CSNK2A2IP: variants seen among roughly 807,000 people sequenced by gnomAD.
CSNK2A2IP encodes the protein casein kinase II subunit alpha'-interacting protein.
chr3:88,409,491 A>T, the CSNK2A2IP span, among the ~76,000 whole-genome samples: 1 of 151,214 alleles, frequency 6.6e-6, no homozygotes, highest in African/African-American at 2.4e-5. Context: ...TTGGGGGGAA[A>T]ATGTCTAGGT....
At chr3:88,415,394 A>G in the CSNK2A2IP span, among the ~76,000 whole-genome samples, 1 of 152,062 alleles carries the variant, frequency 6.6e-6, no homozygotes, top group Non-Finnish European at 1.5e-5. Context: ...GCAGGGTTAA[A>G]ACAATGAGGA....
the CSNK2A2IP span, among the ~76,000 whole-genome samples, chr3:88,367,686 C>G: frequency 1.3e-5 from 2 of 152,120 alleles, no homozygotes; most frequent in African/African-American, 4.8e-5. Context: ...ACCAACAAAA[C>G]GCACATGGCC....
At chr3:88,370,227 C>A in the CSNK2A2IP span, among the ~76,000 whole-genome samples, 14 of 151,812 alleles carry the variant, frequency 9.2e-5, no homozygotes, top group Non-Finnish European at 2.9e-5. Context: ...CAATGGGATA[C>A]AGGTGCCATA....
At chr3:88,456,856 C>T in the CSNK2A2IP span, among the ~76,000 whole-genome samples, 1 of 151,950 alleles carries the variant, frequency 6.6e-6, no homozygotes, top group African/African-American at 2.4e-5. Flanking sequence ...TTGGCTATTG[C>T]TGTTTTTTAA....
chr3:88,426,889 T>TG, the CSNK2A2IP span, among the ~76,000 whole-genome samples: 15,836 of 123,380 alleles, frequency 0.13, 1,038 homozygotes, highest in Non-Finnish European at 0.15. Flanking sequence ...CCACGGGGGA[T>TG]GGGGGGGGGC....
chr3:88,389,852 G>C, the CSNK2A2IP span, among the ~76,000 whole-genome samples: 1 of 151,020 alleles, frequency 6.6e-6, no homozygotes, highest in Non-Finnish European at 1.5e-5. Context: ...AATTGGGGAG[G>C]CATTTTTTTT....
At chr3:88,455,338 G>T in the CSNK2A2IP span, among the ~76,000 whole-genome samples, 2 of 151,834 alleles carry the variant, frequency 1.3e-5, no homozygotes, top group African/African-American at 4.8e-5. Context: ...ATACCAGTAG[G>T]TTCTTTTTTC....
chr3:88,354,043 T>A, the CSNK2A2IP span, among the ~76,000 whole-genome samples: 1 of 152,324 alleles, frequency 6.6e-6, no homozygotes, highest in South Asian at 2.1e-4. Flanking sequence ...TAAAGAGGCC[T>A]GACACCTCTG....
At chr3:88,420,802 T>G in the CSNK2A2IP span, among the ~76,000 whole-genome samples, 1 of 152,150 alleles carries the variant, frequency 6.6e-6, no homozygotes. Context: ...GAATGCAATA[T>G]GACTATGTAG....
At chr3:88,367,608 A>C in the CSNK2A2IP span, among the ~76,000 whole-genome samples, 1 of 152,074 alleles carries the variant, frequency 6.6e-6, no homozygotes, top group African/African-American at 2.4e-5. Flanking sequence ...CTTGCCTTTA[A>C]CTTTGTTGAA....
the CSNK2A2IP span, chr3:88,465,860 G>A: frequency 8.1e-7 from 1 of 1,231,498 alleles, no homozygotes; most frequent in African/African-American, 1.6e-5. Context: ...GATGTTTGCT[G>A]GAGATCACTT....
At chr3:88,354,475 G>A in the CSNK2A2IP span, among the ~76,000 whole-genome samples, 1 of 152,158 alleles carries the variant, frequency 6.6e-6, no homozygotes, top group African/African-American at 2.4e-5. Context: ...AGGTTGAGAA[G>A]CTGTGTAGTT....
chr3:88,375,323 A>G, the CSNK2A2IP span, among the ~76,000 whole-genome samples: 1 of 151,826 alleles, frequency 6.6e-6, no homozygotes. Flanking sequence ...ATCTCCCGGA[A>G]GATTTGTTCT....
At chr3:88,446,034 C>CTTTCTTTCTCTCTTTA in the CSNK2A2IP span, among the ~76,000 whole-genome samples, 2 of 22,098 alleles carry the variant, frequency 9.1e-5, no homozygotes, top group South Asian at 0.011. Context: ...TGTTTCTTTT[C>CTTTCTTTCTCTCTTTA]TTTCTTTCTT....
the CSNK2A2IP span, among the ~76,000 whole-genome samples, chr3:88,450,924 C>A: frequency 2.0e-5 from 3 of 152,048 alleles, no homozygotes; most frequent in Non-Finnish European, 4.4e-5. Flanking sequence ...TTAGAAATCT[C>A]CGTATTGTTT....
At chr3:88,440,548 G>A in the CSNK2A2IP span, among the ~76,000 whole-genome samples, 1 of 152,104 alleles carries the variant, frequency 6.6e-6, no homozygotes, top group Non-Finnish European at 1.5e-5. Flanking sequence ...AAGGTAAATT[G>A]TCTTAAATGT....
At chr3:88,445,916 C>CTCTT in the CSNK2A2IP span, among the ~76,000 whole-genome samples, 79 of 147,326 alleles carry the variant, frequency 5.4e-4, 1 homozygote, top group African/African-American at 1.8e-3. Context: ...TCTTCTTTCT[C>CTCTT]TCTTTCTTTC....
chr3:88,350,657 G>A, the CSNK2A2IP span, among the ~76,000 whole-genome samples: 1 of 149,072 alleles, frequency 6.7e-6, no homozygotes, highest in Non-Finnish European at 1.5e-5. Context: ...TGAAAGAGAA[G>A]CGTATCAGAC....
chr3:88,449,267 A>G, the CSNK2A2IP span, among the ~76,000 whole-genome samples: 1 of 152,108 alleles, frequency 6.6e-6, no homozygotes, highest in Admixed American at 6.6e-5. Context: ...TAACAAGATC[A>G]TTTTCTTGAT....
Sources: allele counts gnomAD v4.1 joint callset (sites outside exome capture counted in the v4.1 genomes callset), GRCh38; gene constraint gnomAD v4.1.1; transcripts MANE v1.5; gene names NCBI Gene and HGNC (gene_info 2026-07-23, HGNC 2026-07-21).